The following LMO7 variants were observed in gnomAD, a reference collection of about 807,000 sequenced individuals.
The protein encoded by LMO7 is LIM domain 7, also known as LIM domain only protein 7.
LMO7 carries 120 observed loss-of-function variants against 206.5 expected under a neutral mutation model. The observed-to-expected ratio is 0.58, with a 90% CI of 0.50 to 0.68. The LOEUF (loss-of-function observed/expected upper bound fraction) is 0.68, where lower values mean the gene tolerates loss of function less well. Ranked by LOEUF, LMO7 falls within the 30% of genes least tolerant of loss-of-function variation. The probability of loss-of-function intolerance (pLI) is 0.00; values close to 1 mark genes in which losing one functional copy is unlikely to be tolerated. For missense variants in LMO7, 1,959 were observed against 1,957.9 expected (o/e 1.00, Z -0.01); for synonymous variants, 706 against 681.5 (o/e 1.04, Z -0.56).
At chr13:75,831,215 G>A (rs2058639683) in intron 15 of LMO7, among the ~76,000 whole-genome samples, 1 of 151,958 alleles carries the variant, frequency 6.6e-6, no homozygotes, top group East Asian at 1.9e-4. Flanking sequence ...CTTTACAAAG[G>A]GCTTTCTGCT....
chr13:75,747,161 A>G (rs964684701), intron 3 of LMO7, among the ~76,000 whole-genome samples: 2 of 152,178 alleles, frequency 1.3e-5, no homozygotes, highest in Non-Finnish European at 2.9e-5. Context: ...TGGAAAAAAA[A>G]ATCAGTTACG....
At chr13:75,748,436 G>A (rs1285962385) in intron 3 of LMO7, among the ~76,000 whole-genome samples, 1 of 152,188 alleles carries the variant, frequency 6.6e-6, no homozygotes, top group Non-Finnish European at 1.5e-5. Flanking sequence ...AAGTGGGAAC[G>A]ATAATAAGAC....
intron 14 of LMO7, among the ~76,000 whole-genome samples, chr13:75,822,559 G>C (rs1036510556): frequency 1.1e-4 from 16 of 151,730 alleles, no homozygotes; most frequent in African/African-American, 3.6e-4. Context: ...ATTCAAGGGA[G>C]AGGGGATTCA....
At position 75,858,110 on chromosome 13, in the gene LMO7, C is replaced by A; in HGVS notation, c.*167C>A. 1.7e-6 allele frequency: 1 copy of A among 605,704 alleles called. No individual in the cohort carries two copies. The highest frequency in any genetic ancestry group is 2.7e-6 in the Non-Finnish European group (1 of 370,852). The allele number at this position is 605,704 out of a possible 1,614,324, so 37.5% of individuals were successfully genotyped here. ...TAGAAGCATTGTAGTCTTGGTAGAA[C>A]CAGTATTTTTGTTGTTTATTTATAA... On this transcript the variant is annotated 3_prime_UTR_variant, in exon 31 of 31. Transcript: ENST00000377534.
At chr13:75,778,312 A>T (rs556375858) in intron 4 of LMO7, among the ~76,000 whole-genome samples, 2 of 152,076 alleles carry the variant, frequency 1.3e-5, no homozygotes, top group South Asian at 4.2e-4. Context: ...AGCTCACTGC[A>T]ACCTCCGCCT....
chr13:75,730,264 C>G (rs9573643), intron 3 of LMO7, among the ~76,000 whole-genome samples: 77,041 of 151,876 alleles, frequency 0.51, 21,011 homozygotes, highest in African/African-American at 0.71. Flanking sequence ...GTCCTGGACT[C>G]TTTTTGGTTG....
intron 3 of LMO7, among the ~76,000 whole-genome samples, chr13:75,749,849 G>T (rs2047133979): frequency 6.7e-6 from 1 of 150,310 alleles, no homozygotes. Flanking sequence ...TTTTTGGAGA[G>T]AAATTGGTTC....
rs772867604 is a variant in LMO7, at chr13:75,856,586, C to T, written c.4851C>T (p.Asn1617=). The change falls in exon 30 of 31, where the codon AAC becomes AAT. Residue 1617 remains asparagine, a synonymous_variant. Coordinates refer to ENST00000377534, the MANE Select transcript of LMO7 (RefSeq NM_001306080.2). The stretch of plus-strand genomic sequence containing the variant: ...TCAGAAACCACCAACTGTACTGCAA[C>T]GACTGCTATCTCAGATTCAAATGTA... ...VRIRNHQLYC[N]DCYLRFKSGR... 11 of 1,606,696 alleles carry T rather than the reference C, an allele frequency of 6.8e-6. No individual in the cohort carries two copies. Among genetic ancestry groups the T allele is most frequent in the African/African-American group, 5.4e-5 (4 of 74,710 alleles).
At chr13:75,731,338 G>T (rs1225436748) in intron 3 of LMO7, among the ~76,000 whole-genome samples, 2 of 152,142 alleles carry the variant, frequency 1.3e-5, no homozygotes, top group Non-Finnish European at 2.9e-5. Context: ...ATATATTTAG[G>T]ATAGTTAGCT....
intron 23 of LMO7, 127 bp from the exon 24 acceptor site, chr13:75,841,501 A>G (rs528591087): frequency 1.0e-4 from 70 of 685,116 alleles, no homozygotes; most frequent in African/African-American, 2.5e-4. Context: ...AACTCTTAAC[A>G]TGTTTTTTGA....
chr13:75,834,070 C>G (rs1021619035), intron 16 of LMO7, among the ~76,000 whole-genome samples, 156 bp from the exon 17 acceptor site: 2 of 151,882 alleles, frequency 1.3e-5, no homozygotes, highest in Non-Finnish European at 1.5e-5. Flanking sequence ...ATGTTGTACT[C>G]AGATATTTGG....
At chr13:75,754,672 TG>T (rs1195804303) in intron 3 of LMO7, among the ~76,000 whole-genome samples, 6 of 152,174 alleles carry the variant, frequency 3.9e-5, no homozygotes, top group African/African-American at 1.4e-4. Context: ...AATTCAACTT[TG>T]GGTCCTGACA....
At position 75,807,901 on chromosome 13, in the gene LMO7, C is replaced by T. The variant is rs751708838; in HGVS notation, c.1618C>T (p.Pro540Ser). ...PLSGAPDRYH[P>S]VPFPEPWTLP... ...GTCTGGGGCCCCAGATAGATACCAC[C>T]CAGTCCCTTTTCCCGAACCCTGGAC... Residue 540 changes from proline to serine, a missense_variant, in exon 10 of 31, where the codon CCA (proline) becomes TCA (serine). Coordinates refer to ENST00000377534, the MANE Select transcript of LMO7 (RefSeq NM_001306080.2). The T allele has an allele frequency of 1.1e-5, 18 of 1,613,816 alleles. No homozygotes were observed. The highest frequency in any genetic ancestry group is 2.2e-5 in the South Asian group (2 of 91,060).
intron 2 of LMO7, among the ~76,000 whole-genome samples, chr13:75,719,711 G>T (rs2043863292): frequency 1.3e-5 from 2 of 152,162 alleles, no homozygotes; most frequent in African/African-American, 4.8e-5. Context: ...TGTTAAGCCT[G>T]TGGAATTTTG....
At chr13:75,711,433 C>T (rs996098510) in intron 1 of LMO7, among the ~76,000 whole-genome samples, 1 of 152,142 alleles carries the variant, frequency 6.6e-6, no homozygotes, top group Non-Finnish European at 1.5e-5. Context: ...TGGTCCTGGA[C>T]TTTTTTTGGT....
chr13:75,636,751 T>C (rs768166453), intron 1 of LMO7, 25 bp downstream of exon 1: 1 of 1,593,082 alleles, frequency 6.3e-7, no homozygotes, highest in African/African-American at 1.3e-5. Flanking sequence ...CTGCTTTCCC[T>C]TCCGCAGGTG....
intron 4 of LMO7, among the ~76,000 whole-genome samples, chr13:75,766,523 G>A (rs17065025): frequency 0.044 from 6,631 of 152,142 alleles, 500 homozygotes; most frequent in African/African-American, 0.15. Context: ...CACAGACATA[G>A]ATAAGATGGA....
At chr13:75,743,828 A>G (rs2046615123) in intron 3 of LMO7, among the ~76,000 whole-genome samples, 1 of 152,170 alleles carries the variant, frequency 6.6e-6, no homozygotes, top group Non-Finnish European at 1.5e-5. Context: ...ACATACCTGC[A>G]TGTGCACAGG....
chr13:75,847,797 A>G (rs2060114938), intron 26 of LMO7, among the ~76,000 whole-genome samples: 1 of 152,130 alleles, frequency 6.6e-6, no homozygotes, highest in African/African-American at 2.4e-5. Flanking sequence ...CATTTTCCCA[A>G]GTGTGTTCTG....
Sources: allele counts gnomAD v4.1 joint callset (sites outside exome capture counted in the v4.1 genomes callset), GRCh38; gene constraint gnomAD v4.1.1; transcripts MANE v1.5; gene names NCBI Gene and HGNC (gene_info 2026-07-23, HGNC 2026-07-21).